KANK1: variants seen among roughly 807,000 people sequenced by gnomAD.
KANK1 encodes KN motif and ankyrin repeat domain-containing protein 1.
A neutral mutation model predicts 106.2 loss-of-function variants in KANK1; 109 were observed. The observed-to-expected ratio is 1.03, with a 90% CI of 0.88 to 1.20. KANK1 has a LOEUF of 1.20. KANK1 is among the 50% of genes most tolerant of loss of function. The pLI, the probability that KANK1 is intolerant of heterozygous loss-of-function variation, is 0.00. For missense variants in KANK1, 2,399 were observed against 1,710.7 expected, an observed-to-expected ratio of 1.40 and a Z score of -7.10; for synonymous variants, 873 against 652.2, an observed-to-expected ratio of 1.34 and a Z score of -5.16.
intron 2 of KANK1, among the ~76,000 whole-genome samples, chr9:708,710 G>C (rs1825027629): frequency 6.6e-6 from 1 of 152,158 alleles, no homozygotes; most frequent in African/African-American, 2.4e-5. Flanking sequence ...ACAGCAACCA[G>C]GTTTGCTGGA....
chr9:570,271 C>T (rs926923139), intron 1 of KANK1, among the ~76,000 whole-genome samples: 3 of 152,120 alleles, frequency 2.0e-5, no homozygotes, highest in African/African-American at 2.4e-5. Context: ...GCTGTATTTT[C>T]GTCACAATGA....
chr9:558,503 T>C (rs1047715500), intron 1 of KANK1, among the ~76,000 whole-genome samples: 2 of 152,224 alleles, frequency 1.3e-5, no homozygotes, highest in African/African-American at 2.4e-5. Flanking sequence ...ATATACATTG[T>C]TGATTCATTA....
chr9:562,730 C>G (rs768915457), intron 1 of KANK1, among the ~76,000 whole-genome samples: 2 of 152,184 alleles, frequency 1.3e-5, no homozygotes, highest in Non-Finnish European at 2.9e-5. Flanking sequence ...TCAAGTTAGA[C>G]AACCGATGCT....
chr9:702,606 C>T (rs1447158771), intron 2 of KANK1, among the ~76,000 whole-genome samples: 1 of 152,152 alleles, frequency 6.6e-6, no homozygotes, highest in Non-Finnish European at 1.5e-5. Context: ...ATGTTTTATT[C>T]GGTCTGCACT....
intron 1 of KANK1, among the ~76,000 whole-genome samples, chr9:676,020 A>G (rs986450597): frequency 6.6e-6 from 1 of 152,092 alleles, no homozygotes; most frequent in Non-Finnish European, 1.5e-5. Flanking sequence ...TTAGCATGCT[A>G]ATGCATTATA....
intron 3 of KANK1, among the ~76,000 whole-genome samples, chr9:494,544 G>A (rs2058429793): frequency 6.6e-6 from 1 of 152,120 alleles, no homozygotes; most frequent in African/African-American, 2.4e-5. Context: ...ATTATAAAAG[G>A]CATTGTGCTA....
At chr9:566,971 T>G (rs1035283647) in intron 1 of KANK1, among the ~76,000 whole-genome samples, 1 of 152,220 alleles carries the variant, frequency 6.6e-6, no homozygotes, top group Admixed American at 6.5e-5. Flanking sequence ...CATCCAGGTT[T>G]TTGAGTATTA....
intron 1 of KANK1, among the ~76,000 whole-genome samples, chr9:545,615 G>T (rs1417369408): frequency 2.6e-5 from 4 of 151,744 alleles, no homozygotes; most frequent in Non-Finnish European, 5.9e-5. Flanking sequence ...AGCTCCTGCA[G>T]AGCCAAGAGA....
At chr9:474,396 T>G (rs1197362466) in intron 3 of KANK1, among the ~76,000 whole-genome samples, 2 of 152,194 alleles carry the variant, frequency 1.3e-5, no homozygotes, top group Non-Finnish European at 2.9e-5. Context: ...ACATATTGAT[T>G]AATTGCATAA....
intron 3 of KANK1, among the ~76,000 whole-genome samples, chr9:476,014 G>A (rs988849075): frequency 2.0e-5 from 3 of 148,600 alleles, no homozygotes; most frequent in Admixed American, 6.7e-5. Flanking sequence ...CACCACACCC[G>A]GCTAATTTTT....
At chr9:731,074 T>G in intron 4 of KANK1, 84 bp from the exon 5 acceptor site, 17 of 645,214 alleles carry the variant, frequency 2.6e-5, no homozygotes, top group Admixed American at 3.2e-5. Flanking sequence ...TTTACATGCA[T>G]GAGAAAAGAA....
chr9:660,988 C>G (rs929371226), intron 1 of KANK1, among the ~76,000 whole-genome samples: 5 of 152,168 alleles, frequency 3.3e-5, no homozygotes, highest in African/African-American at 9.7e-5. Context: ...AATCTCAAAA[C>G]TGATGTACCA....
chr9:657,381 A>G (rs1346958676), intron 1 of KANK1, among the ~76,000 whole-genome samples: 1 of 147,410 alleles, frequency 6.8e-6, no homozygotes, highest in East Asian at 2.1e-4. Context: ...TCTTTTGGGC[A>G]TATACCCAGA....
At chr9:532,651 A>G (rs541216765) in intron 1 of KANK1, among the ~76,000 whole-genome samples, 113 of 152,270 alleles carry the variant, frequency 7.4e-4, no homozygotes, top group African/African-American at 2.6e-3. Flanking sequence ...GAAAGTCTTC[A>G]CCAAGCTACT....
intron 1 of KANK1, among the ~76,000 whole-genome samples, chr9:557,059 T>C (rs1000049250): frequency 6.6e-6 from 1 of 152,116 alleles, no homozygotes; most frequent in Non-Finnish European, 1.5e-5. Context: ...GGCTCATGCC[T>C]GCAATCCTAG....
intron 1 of KANK1, among the ~76,000 whole-genome samples, chr9:591,545 G>A (rs912872676): frequency 6.6e-6 from 1 of 151,794 alleles, no homozygotes; most frequent in East Asian, 1.9e-4. Flanking sequence ...TCTCTTCTCA[G>A]TCCAGGGAAT....
intron 10 of KANK1, among the ~76,000 whole-genome samples, chr9:743,567 A>G (rs1261602830): frequency 6.6e-6 from 1 of 152,158 alleles, no homozygotes; most frequent in Admixed American, 6.5e-5. Flanking sequence ...GGAAATCCGT[A>G]TTTCAAGACT....
At chr9:671,069 G>C (rs1384915029) in intron 1 of KANK1, among the ~76,000 whole-genome samples, 1 of 147,714 alleles carries the variant, frequency 6.8e-6, no homozygotes, top group Non-Finnish European at 1.5e-5. Context: ...ATTTATTTTG[G>C]TTATTCTGTG....
chr9:544,676 A>C (rs2060824153), intron 1 of KANK1, among the ~76,000 whole-genome samples: 1 of 151,900 alleles, frequency 6.6e-6, no homozygotes, highest in Non-Finnish European at 1.5e-5. Context: ...CATTAATGGG[A>C]GGTGGAGGTC....
Sources: gnomAD v4.1 joint callset for allele counts (sites outside exome capture counted in the v4.1 genomes callset) on GRCh38, gnomAD v4.1.1 for gene constraint, MANE v1.5 for transcripts, NCBI Gene and HGNC (gene_info 2026-07-23, HGNC 2026-07-21) for gene names.